The following HMCN1 variants were observed in gnomAD, a reference collection of about 807,000 sequenced individuals.
HMCN1 encodes the protein hemicentin-1.
In HMCN1, 321 loss-of-function variants were observed where a neutral mutation model predicts 625.9. The ratio of observed to expected loss-of-function variants is 0.51; its 90% CI spans 0.47 to 0.56. The LOEUF is 0.56. Ranked by LOEUF, HMCN1 falls within the 20% of genes least tolerant of loss-of-function variation. HMCN1 has a pLI of 0.00. For missense variants in HMCN1, 6,588 were observed against 6,887.3 expected, an observed-to-expected ratio of 0.96 and a Z score of 1.54; for synonymous variants, 2,425 against 2,417.6, an observed-to-expected ratio of 1.00 and a Z score of -0.09.
At chr1:185,933,847 G>A (rs772299495) in intron 11 of HMCN1, 23 bp downstream of exon 11, 2 of 1,609,050 alleles carry the variant, frequency 1.2e-6, no homozygotes, top group Admixed American at 1.7e-5. Flanking sequence ...GGTAACTTCT[G>A]AATTATGACA....
intron 30 of HMCN1, among the ~76,000 whole-genome samples, chr1:186,014,765 TG>T (rs1429405988): frequency 6.6e-6 from 1 of 152,114 alleles, no homozygotes; most frequent in Non-Finnish European, 1.5e-5. Context: ...CCTTTAGTAT[TG>T]GGGAGAGGGC....
rs374084236 is a variant in HMCN1, at chr1:185,993,233, A to G, written c.3429A>G (p.Ser1143=). Residue 1143 remains serine (S), a synonymous_variant, in exon 23 of 107, where the codon TCA becomes TCG. Transcript: ENST00000271588. ...GSMKITETRT[S]DSGMYLCVAT... ...TGAAGATCACTGAAACCCGCACTTCAGATAGTGGGATGTATCTTTGTGTTG... is the reference window on the plus strand; with the variant it reads ...TGAAGATCACTGAAACCCGCACTTCGGATAGTGGGATGTATCTTTGTGTTG... The G allele has an allele frequency of 1.2e-6, 2 of 1,612,868 alleles. No individual in the cohort carries two copies. Among genetic ancestry groups the G allele is most frequent in the African/African-American group, 1.3e-5 (1 of 74,878 alleles).
Position 185,916,068 on chromosome 1 carries a change from ATG to A in HMCN1, c.900+4306_900+4307del, listed in dbSNP as rs372973815. ...TGTGTGTGCATATGCGTGTGTGCAT[ATG>A]TGTGTGTGTGTGTGTGTATTTAAGT... On this transcript the variant is annotated intron_variant, in intron 6 of 106. Coordinates refer to ENST00000271588, the MANE Select transcript of HMCN1 (RefSeq NM_031935.3). Among the ~76,000 whole-genome samples the A allele has an allele frequency of 8.5e-3, 1,273 of 149,064 alleles. 15 individuals are homozygous for A. Among genetic ancestry groups the A allele is most frequent in the African/African-American group, 0.028 (1,137 of 40,918 alleles).
intron 51 of HMCN1, 125 bp downstream of exon 51, chr1:186,069,901 CT>C: frequency 1.4e-6 from 1 of 715,130 alleles, no homozygotes; most frequent in Non-Finnish European, 2.5e-6. Flanking sequence ...GTGCAGCTTA[CT>C]TTATTAAGGA....
chr1:186,151,089 T>C, intron 93 of HMCN1, 111 bp from the exon 94 acceptor site: 1 of 1,037,854 alleles, frequency 9.6e-7, no homozygotes, highest in Non-Finnish European at 1.5e-6. Flanking sequence ...ATGACCTTTT[T>C]GATGTTTGAG....
intron 68 of HMCN1, among the ~76,000 whole-genome samples, chr1:186,095,789 G>A (rs1225348754): frequency 6.6e-6 from 1 of 152,124 alleles, no homozygotes; most frequent in African/African-American, 2.4e-5. Flanking sequence ...CAATTGAGAA[G>A]CAGCTTTTTA....
chr1:186,077,504 A>G (rs1453222746), intron 54 of HMCN1, among the ~76,000 whole-genome samples: 2 of 152,088 alleles, frequency 1.3e-5, no homozygotes, highest in Non-Finnish European at 2.9e-5. Context: ...TCTCCAACTT[A>G]CTCTTCAATG....
intron 98 of HMCN1, among the ~76,000 whole-genome samples, chr1:186,165,828 C>T (rs957246689): frequency 1.3e-5 from 2 of 151,988 alleles, no homozygotes; most frequent in Non-Finnish European, 2.9e-5. Context: ...CTTTTTTCCT[C>T]AGTTTTGTCC....
At chr1:186,145,684 C>T in intron 92 of HMCN1, 69 bp from the exon 93 acceptor site, 4 of 1,612,030 alleles carry the variant, frequency 2.5e-6, no homozygotes, top group Non-Finnish European at 3.4e-6. Context: ...GGCAGGGGCA[C>T]CCCAAGTATA....
At position 186,108,605 on chromosome 1, in the gene HMCN1, T is replaced by G; in HGVS notation, c.10989+8T>G. On this transcript the variant is annotated splice_region_variant and intron_variant, in intron 71 of 106. Transcript: ENST00000271588. The stretch of plus-strand genomic sequence containing the variant: ...AATGGAGAACGGTTACAGGTAAATT[T>G]TTTGATAAGCTCCACAAATTCCTTT... The G allele has an allele frequency of 6.2e-7, 1 of 1,614,096 alleles. No homozygotes were observed. Among genetic ancestry groups the G allele is most frequent in the Non-Finnish European group, 8.5e-7 (1 of 1,179,978 alleles).
intron 16 of HMCN1, among the ~76,000 whole-genome samples, chr1:185,979,642 T>G (rs1651479982): frequency 6.6e-6 from 1 of 152,178 alleles, no homozygotes; most frequent in Non-Finnish European, 1.5e-5. Context: ...TGGGGTGGTT[T>G]GCTGAATTTT....
chr1:185,754,696 A>G (rs1464392605), intron 1 of HMCN1, among the ~76,000 whole-genome samples: 2 of 152,166 alleles, frequency 1.3e-5, no homozygotes, highest in African/African-American at 4.8e-5. Flanking sequence ...TAAAAAATAC[A>G]AATTAACCAG....
chr1:186,168,846 G>A (rs965226738), intron 100 of HMCN1, among the ~76,000 whole-genome samples: 4 of 151,978 alleles, frequency 2.6e-5, no homozygotes, highest in Admixed American at 6.5e-5. Context: ...CACGTGCCAC[G>A]GTGGTTTGCT....
At chr1:185,901,319 C>T (rs1399493102) in intron 4 of HMCN1, among the ~76,000 whole-genome samples, 3 of 151,706 alleles carry the variant, frequency 2.0e-5, no homozygotes, top group Non-Finnish European at 4.4e-5. Flanking sequence ...TTCTTCTTCC[C>T]TTCCTTATTT....
At chr1:186,148,110 T>G (rs1270721028) in intron 93 of HMCN1, among the ~76,000 whole-genome samples, 2 of 152,246 alleles carry the variant, frequency 1.3e-5, no homozygotes, top group Non-Finnish European at 2.9e-5. Context: ...AGTCCTTTGT[T>G]GTCGTTTTAA....
chr1:186,102,959 T>G (rs1471786000), intron 68 of HMCN1, among the ~76,000 whole-genome samples: 1 of 152,112 alleles, frequency 6.6e-6, no homozygotes, highest in Non-Finnish European at 1.5e-5. Flanking sequence ...AACAAATGTG[T>G]TTTATACAGA....
intron 12 of HMCN1, among the ~76,000 whole-genome samples, chr1:185,963,401 C>T (rs1425714176): frequency 6.6e-6 from 1 of 152,036 alleles, no homozygotes; most frequent in Non-Finnish European, 1.5e-5. Flanking sequence ...GCAAGATTGC[C>T]GGGGTGCAAA....
chr1:185,765,723 A>G (rs1447601024), intron 1 of HMCN1, among the ~76,000 whole-genome samples: 1 of 152,196 alleles, frequency 6.6e-6, no homozygotes. Context: ...AATGGTTCTC[A>G]AAAGGTGGTC....
chr1:185,991,712 T>TAA (rs527701139), intron 22 of HMCN1, among the ~76,000 whole-genome samples: 4 of 148,536 alleles, frequency 2.7e-5, no homozygotes, highest in Admixed American at 6.7e-5. Flanking sequence ...TTCTTTTTTT[T>TAA]AAAAAAAAAA....
Sources: allele counts gnomAD v4.1 joint callset (sites outside exome capture counted in the v4.1 genomes callset), GRCh38; gene constraint gnomAD v4.1.1; transcripts MANE v1.5; gene names NCBI Gene and HGNC (gene_info 2026-07-23, HGNC 2026-07-21).